The following KIR2DL1 variants were observed in gnomAD, a reference collection of about 807,000 sequenced individuals.
The protein encoded by KIR2DL1 is killer cell immunoglobulin like receptor, two Ig domains and long cytoplasmic tail 1, also known as killer cell immunoglobulin-like receptor 2DL1.
In KIR2DL1, 38 loss-of-function variants were observed where a neutral mutation model predicts 33.9. The ratio of observed to expected loss-of-function variants is 1.12; its 90% CI spans 0.86 to 1.47. The LOEUF (loss-of-function observed/expected upper bound fraction) is 1.47, where lower values mean the gene tolerates loss of function less well. KIR2DL1 is among the 40% of genes most tolerant of loss of function. KIR2DL1 has a pLI of 0.00. For synonymous variants in KIR2DL1, 179 were observed against 165.9 expected (o/e 1.08, Z -0.61); for missense variants, 531 against 433.9 (o/e 1.22, Z -1.99).
rs1258127470 is a variant in KIR2DL1, at chr19:54,774,467, G to C, written c.371-698G>C. 2.0e-5 allele frequency among the ~76,000 whole-genome samples: 3 copies of C among 148,318 alleles called. No homozygotes were observed. In the South Asian group the frequency reaches 6.4e-4, roughly 31 times the overall value. The stretch of plus-strand genomic sequence containing the variant: ...GGGGATGAATTGCAGAGATTCCAAA[G>C]AGAACTAGAGAGACCGAGAGGCAGA... On this transcript the variant is annotated intron_variant, in intron 3 of 7. Coordinates refer to ENST00000336077, the MANE Select transcript of KIR2DL1 (RefSeq NM_014218.3).
In KIR2DL1 at chr19:54,773,836, G is replaced by A. The variant is rs1349857774; in HGVS notation, c.370+204G>A. ...GTCATAACAGAGAACAGACACAGGG[G>A]CCATACCGGGAGTTAGAAAAGACAG... On this transcript the variant is annotated intron_variant, in intron 3 of 7. Coordinates refer to ENST00000336077, the MANE Select transcript of KIR2DL1 (RefSeq NM_014218.3). 1.3e-5 allele frequency among the ~76,000 whole-genome samples: 2 copies of A among 148,154 alleles called. 1 individual carries two copies. The highest frequency in any genetic ancestry group is 4.9e-5 in the African/African-American group (2 of 40,550).
At chr19:54,778,028 A>G (rs2076544852) in intron 4 of KIR2DL1, among the ~76,000 whole-genome samples, 1 of 148,332 alleles carries the variant, frequency 6.7e-6, no homozygotes, top group African/African-American at 2.5e-5. Context: ...TGGGAGCCCG[A>G]GGTGGGTGGA....
chr19:54,772,201 G>C (rs1182272293), intron 2 of KIR2DL1, among the ~76,000 whole-genome samples: 2 of 147,636 alleles, frequency 1.4e-5, no homozygotes, highest in Non-Finnish European at 3.0e-5. Flanking sequence ...GATGGGCTCA[G>C]TGTAGTCACA....
chr19:54,776,801 T>G (rs2076399898), intron 4 of KIR2DL1, among the ~76,000 whole-genome samples: 1 of 145,124 alleles, frequency 6.9e-6, no homozygotes, highest in African/African-American at 2.5e-5. Flanking sequence ...CCACCATGCC[T>G]GGCTACTTTT....
rs369820783 is a variant in KIR2DL1 at position 54,783,563 on chromosome 19, G to A, written c.870+25G>A. ...GGTAGGTACTCCTCGGCCCGGGCTC[G>A]TGGCTACTGTTATTCCCAAAGAGTC... On this transcript the variant is annotated intron_variant, in intron 7 of 7. Coordinates refer to ENST00000336077, the MANE Select transcript of KIR2DL1 (RefSeq NM_014218.3). 5.4e-4 allele frequency: 867 copies of A among 1,613,736 alleles called. 7 individuals are homozygous for A. In the African/African-American group the frequency reaches 0.01, roughly 19 times the overall value.
In KIR2DL1 at chr19:54,771,182, C is replaced by T. The variant is rs373304433; in HGVS notation, c.70+298C>T. ...CTCACACACTTCAGCGTTTCCATGA[C>T]GGTAGGGGCTGCAGTGTGGCTGCTG... On this transcript the variant is annotated intron_variant, in intron 2 of 7. Transcript: ENST00000336077. Among the ~76,000 whole-genome samples the T allele has an allele frequency of 6.2e-4, 91 of 147,534 alleles. 6 individuals are homozygous for T. The highest frequency in any genetic ancestry group is 1.3e-3 in the African/African-American group (54 of 40,514).
At chr19:54,775,509 T>A (rs747911248) in intron 4 of KIR2DL1, 51 bp downstream of exon 4, 1 of 1,505,000 alleles carries the variant, frequency 6.6e-7, no homozygotes, top group Non-Finnish European at 9.1e-7. Context: ...GAGCCTTAGC[T>A]GAGGAGCTTC....
Position 54,775,529 on chromosome 19 carries a change from A to G in KIR2DL1, c.664+71A>G, listed in dbSNP as rs548110422. 3.5e-5 allele frequency: 51 copies of G among 1,464,590 alleles called. 1 individual carries two copies. The African/African-American group carries it at 6.1e-4, about 17-fold the overall frequency. 90.7% of individuals were successfully genotyped at this position (1,464,590 alleles called of 1,614,324 possible). A position where few individuals can be genotyped will look rare whatever the true frequency, so the allele number is the denominator to read the frequency against. Reference sequence around the variant, plus strand: ...TTAGCTGAGGAGCTTCCTGCTGAGGATGGAGAGAAGCATGGACAGATGCAG... The same window carrying G: ...TTAGCTGAGGAGCTTCCTGCTGAGGGTGGAGAGAAGCATGGACAGATGCAG... On this transcript the variant is annotated intron_variant, in intron 4 of 7. Coordinates refer to ENST00000336077, the MANE Select transcript of KIR2DL1 (RefSeq NM_014218.3).
At position 54,770,497 on chromosome 19, in the gene KIR2DL1, A is replaced by T. The variant is rs1237805746; in HGVS notation, c.35-352A>T. On this transcript the variant is annotated intron_variant, in intron 1 of 7. Transcript: ENST00000336077. ...ATATGGGACTGGAGAGGAGATATGG[A>T]CCTGGAGTGGAGATAAGGGCCTGGA... Among the ~76,000 whole-genome samples the T allele has an allele frequency of 2.3e-5, 3 of 131,520 alleles. No individual in the cohort carries two copies. In the Admixed American group the frequency reaches 2.3e-4, roughly 10 times the overall value. The allele number at this position is 131,520 out of a possible 152,430, so 86.3% of individuals were successfully genotyped here.
In KIR2DL1 at chr19:54,773,693, T is replaced by C. The variant is rs1231703096; in HGVS notation, c.370+61T>C. On this transcript the variant is annotated intron_variant, in intron 3 of 7. Transcript: ENST00000336077. ...GGATGCAGAGTGAATGATCCAGGAA[T>C]TGGAGACCCAGGTGGCTGTAAGGAA... 2.0e-6 allele frequency: 3 copies of C among 1,481,086 alleles called. No homozygotes were observed. In the African/African-American group the frequency reaches 4.2e-5, roughly 21 times the overall value. The allele number at this position is 1,481,086 out of a possible 1,614,324, so 91.7% of individuals were successfully genotyped here.
Position 54,775,332 on chromosome 19 carries a change from A to T in KIR2DL1, c.538A>T (p.Thr180Ser), listed in dbSNP as rs1310035414. Residue 180 changes from threonine to serine, a missense_variant, in exon 4 of 8, where the codon ACA becomes TCA. Thr to Ser is a moderately conservative substitution (Grantham distance 58, BLOSUM62 1). Transcript: ENST00000336077. Reference sequence around the variant, plus strand: ...CCCTGCAGGGCCCAAGGTCAACGGAACATTCCAGGCTGACTTTCCTCTGGG... The same window carrying T: ...CCCTGCAGGGCCCAAGGTCAACGGATCATTCCAGGCTGACTTTCCTCTGGG... ...RLPAGPKVNGTFQADFPLGPA... is the reference protein window; with the variant it reads ...RLPAGPKVNGSFQADFPLGPA... 6.3e-7 allele frequency: 1 copy of T among 1,582,198 alleles called. No homozygotes were observed. Among genetic ancestry groups the T allele is most frequent in the East Asian group, 2.2e-5 (1 of 44,772 alleles).
At chr19:54,781,291 T>C (rs2076903228) in intron 5 of KIR2DL1, among the ~76,000 whole-genome samples, 1 of 148,482 alleles carries the variant, frequency 6.7e-6, no homozygotes, top group South Asian at 2.1e-4. Flanking sequence ...TGATCCTTTA[T>C]CTTATCCATT....
intron 5 of KIR2DL1, among the ~76,000 whole-genome samples, chr19:54,782,052 C>T (rs1490104780): frequency 6.6e-6 from 1 of 151,970 alleles, no homozygotes; most frequent in Non-Finnish European, 1.5e-5. Context: ...ACAACAGAAA[C>T]CTATATTTCA....
chr19:54,773,646 G>C lies in KIR2DL1; in HGVS notation c.370+14G>C, dbSNP rs1347503848. The stretch of plus-strand genomic sequence containing the variant: ...TCGTGATCATAGGTGAGAGTGTCCA[G>C]ACTTTCTTCTCATTGTCATTGGGAT... On this transcript the variant is annotated intron_variant, in intron 3 of 7. Coordinates refer to ENST00000336077, the MANE Select transcript of KIR2DL1 (RefSeq NM_014218.3). 1.0e-5 allele frequency: 16 copies of C among 1,558,776 alleles called. 2 individuals are homozygous for C. The highest frequency in any genetic ancestry group is 1.4e-5 in the African/African-American group (1 of 73,188).
In KIR2DL1 at chr19:54,770,530, T is replaced by C. The variant is rs2075568645; in HGVS notation, c.35-319T>C. On this transcript the variant is annotated intron_variant, in intron 1 of 7. Transcript: ENST00000336077. ...TGGAGATAAGGGCCTGGATTGGAGA[T>C]ATGGGCCCAGGGTGGAGATCTGAGC... Among the ~76,000 whole-genome samples the C allele has an allele frequency of 4.9e-5, 7 of 142,800 alleles. 1 individual carries two copies. In the South Asian group the frequency reaches 1.6e-3, roughly 32 times the overall value. The allele number at this position is 142,800 out of a possible 152,430, so 93.7% of individuals were successfully genotyped here.
intron 5 of KIR2DL1, among the ~76,000 whole-genome samples, chr19:54,782,586 G>C (rs28433625): frequency 2.0e-5 from 3 of 151,876 alleles, no homozygotes; most frequent in African/African-American, 4.8e-5. Flanking sequence ...TGCTAACCCC[G>C]TCTCCTTGGG....
chr19:54,777,065 G>T (rs1402210001), intron 4 of KIR2DL1, among the ~76,000 whole-genome samples: 5 of 151,840 alleles, frequency 3.3e-5, no homozygotes. Context: ...TCTTTTGCCT[G>T]TCTTGCAGCT....
chr19:54,782,151 C>G (rs2147632519), intron 5 of KIR2DL1, among the ~76,000 whole-genome samples: 1 of 152,098 alleles, frequency 6.6e-6, no homozygotes, highest in South Asian at 2.1e-4. Context: ...AGCCAGAAAG[C>G]AGCCCAGCCT....
At chr19:54,771,729 A>G (rs994816877) in intron 2 of KIR2DL1, among the ~76,000 whole-genome samples, 3 of 148,130 alleles carry the variant, frequency 2.0e-5, no homozygotes, top group Admixed American at 6.8e-5. Flanking sequence ...TAAAAGGAAG[A>G]TGGGGTGCCT....
Sources: gnomAD v4.1 joint callset for allele counts (sites outside exome capture counted in the v4.1 genomes callset) on GRCh38, gnomAD v4.1.1 for gene constraint, MANE v1.5 for transcripts, NCBI Gene and HGNC (gene_info 2026-07-23, HGNC 2026-07-21) for gene names.